CCDC149: variants seen among roughly 807,000 people sequenced by gnomAD.
The protein encoded by CCDC149 is coiled-coil domain containing 149.
A neutral mutation model predicts 59.9 loss-of-function variants in CCDC149; 45 were observed. The ratio of observed to expected loss-of-function variants is 0.75; its 90% CI spans 0.59 to 0.96. The LOEUF is 0.96. Ranked by LOEUF, CCDC149 falls within the 40% of genes least tolerant of loss-of-function variation. The pLI is 0.00. For synonymous variants in CCDC149, 245 were observed against 260.6 expected (o/e 0.94, Z 0.58); for missense variants, 584 against 664.7 (o/e 0.88, Z 1.33).
intron 1 of CCDC149, among the ~76,000 whole-genome samples, chr4:24,920,405 C>G (rs1577485891): frequency 6.6e-6 from 1 of 152,326 alleles, no homozygotes; most frequent in African/African-American, 2.4e-5. Context: ...TGGCAGCTTA[C>G]CAAGGGAGCT....
At chr4:24,869,543 C>T (rs1718902962) in intron 3 of CCDC149, among the ~76,000 whole-genome samples, 1 of 152,186 alleles carries the variant, frequency 6.6e-6, no homozygotes, top group Non-Finnish European at 1.5e-5. Context: ...GTCCTGTTGA[C>T]AGCCAAGAGC....
At chr4:24,958,094 G>A (rs895983499) in intron 1 of CCDC149, among the ~76,000 whole-genome samples, 1 of 152,206 alleles carries the variant, frequency 6.6e-6, no homozygotes, top group African/African-American at 2.4e-5. Flanking sequence ...AGTAGTCACA[G>A]TGGCAGATAT....
chr4:24,934,061 T>A (rs1047650130), intron 1 of CCDC149, among the ~76,000 whole-genome samples: 4 of 152,218 alleles, frequency 2.6e-5, no homozygotes, highest in African/African-American at 9.6e-5. Flanking sequence ...CTTTGCAGCA[T>A]GACAGCTGGC....
intron 1 of CCDC149, among the ~76,000 whole-genome samples, chr4:24,889,254 C>T (rs890005750): frequency 1.5e-4 from 23 of 152,142 alleles, no homozygotes; most frequent in Admixed American, 2.0e-4. Context: ...CCTTTGCAAG[C>T]CTATAAAGAT....
chr4:24,926,515 G>A (rs1722436925), intron 1 of CCDC149, among the ~76,000 whole-genome samples: 1 of 152,156 alleles, frequency 6.6e-6, no homozygotes, highest in Non-Finnish European at 1.5e-5. Context: ...ACTGCGGAGT[G>A]TCCCAGTGCT....
At chr4:24,883,746 C>T (rs947419832) in intron 1 of CCDC149, among the ~76,000 whole-genome samples, 12 of 152,160 alleles carry the variant, frequency 7.9e-5, no homozygotes, top group African/African-American at 2.9e-4. Context: ...GCATTTAAAG[C>T]ATCCAGAACA....
intron 12 of CCDC149, among the ~76,000 whole-genome samples, chr4:24,817,293 G>T (rs1225618957): frequency 6.6e-6 from 1 of 152,140 alleles, no homozygotes; most frequent in African/African-American, 2.4e-5. Context: ...AACCACACAG[G>T]GGGCCATGGT....
At chr4:24,906,053 A>G (rs1721490370) in intron 1 of CCDC149, among the ~76,000 whole-genome samples, 1 of 152,202 alleles carries the variant, frequency 6.6e-6, no homozygotes, top group Non-Finnish European at 1.5e-5. Flanking sequence ...GAATTCTTAG[A>G]TGACTCAAGG....
intron 4 of CCDC149, among the ~76,000 whole-genome samples, chr4:24,848,153 C>T (rs1350835245): frequency 6.6e-6 from 1 of 152,096 alleles, no homozygotes; most frequent in Non-Finnish European, 1.5e-5. Context: ...GATACAAATC[C>T]TTCCTTTGTC....
At chr4:24,951,380 G>T (rs1723287218) in intron 1 of CCDC149, among the ~76,000 whole-genome samples, 1 of 152,138 alleles carries the variant, frequency 6.6e-6, no homozygotes, top group Non-Finnish European at 1.5e-5. Flanking sequence ...CAGCAAATAT[G>T]CCATAGTCAG....
intron 1 of CCDC149, among the ~76,000 whole-genome samples, chr4:24,961,941 A>G (rs1182479667): frequency 6.6e-6 from 1 of 151,874 alleles, no homozygotes; most frequent in Non-Finnish European, 1.5e-5. Context: ...AATGGCAACA[A>G]AAGCCAAAAT....
upstream of CCDC149, among the ~76,000 whole-genome samples, chr4:24,913,403 T>C (rs151225514): frequency 2.9e-3 from 448 of 152,328 alleles, 7 homozygotes; most frequent in African/African-American, 0.01. Context: ...TCCTGGCCCA[T>C]AGGAGATGCT....
intron 1 of CCDC149, among the ~76,000 whole-genome samples, chr4:24,890,436 A>G (rs931830416): frequency 6.6e-6 from 1 of 152,214 alleles, no homozygotes; most frequent in Non-Finnish European, 1.5e-5. Context: ...TTTCTGCCAC[A>G]GCACCCCATT....
At chr4:24,885,080 G>C (rs1577449903) in intron 1 of CCDC149, among the ~76,000 whole-genome samples, 1 of 152,148 alleles carries the variant, frequency 6.6e-6, no homozygotes, top group East Asian at 1.9e-4. Flanking sequence ...CGACGCCCTG[G>C]GCTGGCTGTG....
chr4:24,976,905 C>T (rs1222843020), intron 1 of CCDC149, among the ~76,000 whole-genome samples: 1 of 152,112 alleles, frequency 6.6e-6, no homozygotes, highest in Non-Finnish European at 1.5e-5. Flanking sequence ...GTGCATGGAC[C>T]ACACTAGAAC....
chr4:24,942,641 G>C (rs1722985558), intron 1 of CCDC149, among the ~76,000 whole-genome samples: 2 of 152,174 alleles, frequency 1.3e-5, no homozygotes, highest in Admixed American at 1.3e-4. Flanking sequence ...TGTATATCTA[G>C]AAAACCCCAT....
intron 1 of CCDC149, among the ~76,000 whole-genome samples, chr4:24,887,835 G>A (rs1170503028): frequency 6.6e-6 from 1 of 151,910 alleles, no homozygotes; most frequent in African/African-American, 2.4e-5. Flanking sequence ...TGATGTTAAG[G>A]AGATTTGCAA....
intron 1 of CCDC149, among the ~76,000 whole-genome samples, chr4:24,884,792 T>G (rs973637084): frequency 2.0e-5 from 3 of 152,232 alleles, no homozygotes; most frequent in African/African-American, 7.2e-5. Flanking sequence ...GTAAAACATT[T>G]AAAACAGTGT....
At chr4:24,925,444 T>G (rs1024662284) in intron 1 of CCDC149, among the ~76,000 whole-genome samples, 2 of 152,266 alleles carry the variant, frequency 1.3e-5, no homozygotes. Context: ...CATCTCGTAC[T>G]GTCTCTGTTC....
Sources: gnomAD v4.1 joint callset for allele counts (sites outside exome capture counted in the v4.1 genomes callset) on GRCh38, gnomAD v4.1.1 for gene constraint, MANE v1.5 for transcripts, NCBI Gene and HGNC (gene_info 2026-07-23, HGNC 2026-07-21) for gene names.